Variants in SOX30 observed in about 807,000 individuals in gnomAD.
SOX30 encodes the protein transcription factor SOX-30.
A neutral mutation model predicts 58.6 loss-of-function variants in SOX30; 17 were observed. The observed-to-expected ratio is 0.29, with a 90% confidence interval of 0.20 to 0.44. SOX30 has a LOEUF of 0.44. Among genes scored for constraint, SOX30 ranks in the 20% least tolerant of loss-of-function variants. The probability of loss-of-function intolerance (pLI) is 1.00; values close to 1 mark genes in which losing one functional copy is unlikely to be tolerated. For missense variants in SOX30, 951 were observed against 965.8 expected (o/e 0.98, Z 0.20); for synonymous variants, 421 against 400.2 (o/e 1.05, Z -0.62).
intron 1 of SOX30, among the ~76,000 whole-genome samples, chr5:157,650,397 T>C (rs892261034): frequency 3.3e-5 from 5 of 152,180 alleles, no homozygotes; most frequent in Admixed American, 2.0e-4. Flanking sequence ...AAGATGTTCA[T>C]TGGCAAAGTG....
chr5:157,646,434 A>G (rs1759195528), intron 3 of SOX30, among the ~76,000 whole-genome samples: 1 of 152,158 alleles, frequency 6.6e-6, no homozygotes, highest in Admixed American at 6.5e-5. Flanking sequence ...CACATGGATT[A>G]TTTGCTACTC....
chr5:157,641,719 A>G (rs1444559913), intron 3 of SOX30, among the ~76,000 whole-genome samples: 1 of 152,236 alleles, frequency 6.6e-6, no homozygotes, highest in East Asian at 1.9e-4. Context: ...GAACTCTTTG[A>G]CAGCAGAGAC....
chr5:157,638,817 C>T, intron 3 of SOX30, 95 bp from the exon 4 acceptor site: 1 of 1,262,958 alleles, frequency 7.9e-7, no homozygotes, highest in Non-Finnish European at 1.1e-6. Flanking sequence ...TAAGCAGAGG[C>T]CTTCATCAAT....
intron 4 of SOX30, among the ~76,000 whole-genome samples, chr5:157,635,623 C>CA (rs113842468): frequency 0.029 from 3,922 of 136,584 alleles, 73 homozygotes; most frequent in Admixed American, 0.04. Flanking sequence ...GACTCTGTCT[C>CA]AAAAAAAAAA....
chr5:157,657,903 G>A (rs113167991), intron 2 of SOX30, among the ~76,000 whole-genome samples: 13 of 152,204 alleles, frequency 8.5e-5, no homozygotes, highest in Non-Finnish European at 1.9e-4. Flanking sequence ...GGAATGGCAC[G>A]TTTTCCTTTA....
chr5:157,653,199 A>G (rs1209331393), upstream of SOX30, among the ~76,000 whole-genome samples: 1 of 152,164 alleles, frequency 6.6e-6, no homozygotes, highest in Non-Finnish European at 1.5e-5. Flanking sequence ...CACATTTTTC[A>G]TATTGCAGCT....
Position 157,638,283 on chromosome 5 carries a change from T to G in SOX30, c.1827A>C (p.Arg609Ser). 1 of 1,580,690 alleles carries G rather than the reference T, an allele frequency of 6.3e-7. No homozygotes were observed. Among genetic ancestry groups the G allele is most frequent in the Non-Finnish European group, 8.6e-7 (1 of 1,161,632 alleles). Residue 609 changes from arginine to serine, a missense_variant, in exon 4 of 5, where the codon AGA becomes AGC. Around this residue, in one of 7 missense-constraint regions of SOX30, gnomAD observed 381 missense variants for 390.0 expected, o/e 0.98. Transcript: ENST00000265007. ...GGAAGTAAGGGTGATGAAAAGAGAA[T>G]CTTGGTGGTGTCCCGAACAGTGTGG... ...HPATLFGTPP[R>S]FSFHHPYFLP...
chr5:157,648,567 A>G (rs940295831), intron 2 of SOX30, 90 bp downstream of exon 2: 33 of 1,210,416 alleles, frequency 2.7e-5, no homozygotes, highest in Non-Finnish European at 3.7e-5. Context: ...AAAAAATTAT[A>G]TATTTTTGTC....
intron 3 of SOX30, among the ~76,000 whole-genome samples, chr5:157,642,125 G>T (rs879409676): frequency 6.6e-6 from 1 of 152,198 alleles, no homozygotes; most frequent in South Asian, 2.1e-4. Flanking sequence ...AGACCAGCCT[G>T]GCCAATGTTG....
chr5:157,641,709 G>A (rs567776939), intron 3 of SOX30, among the ~76,000 whole-genome samples: 91 of 152,206 alleles, frequency 6.0e-4, no homozygotes, highest in Middle Eastern at 3.4e-3. Context: ...ACTACCTAAC[G>A]AACTCTTTGA....
rs149102002 is a variant in SOX30, at chr5:157,645,212, A to AAAC, written c.1387+1422_1387+1424dup. Among the ~76,000 whole-genome samples the AAAC allele has an allele frequency of 4.0e-3, 611 of 152,246 alleles. 3 individuals carry two copies. The highest frequency in any genetic ancestry group is 0.013 in the African/African-American group (528 of 41,528). On this transcript the variant is annotated intron_variant, in intron 3 of 4. Coordinates refer to ENST00000265007, the MANE Select transcript of SOX30 (RefSeq NM_178424.2). ...TCAATTGCTAAAATGATACATTAAA[A>AAAC]AACAACAACAACAACAACACTGAAA... is the stretch of plus-strand genomic sequence containing the variant.
In SOX30 at chr5:157,626,129, T is replaced by G. The variant is rs1758645898; in HGVS notation, c.*211A>C. 2 of 476,004 alleles carry G rather than the reference T, an allele frequency of 4.2e-6. No homozygotes were observed. The highest frequency in any genetic ancestry group is 3.4e-5 in the East Asian group (1 of 29,396). 29.5% of individuals were successfully genotyped at this position (476,004 alleles called of 1,614,324 possible). A position where few individuals can be genotyped will look rare whatever the true frequency, so the allele number is the denominator to read the frequency against. ...ATTTCAGCCATTAAAATTAAACTAC[T>G]TAATAACTTAAATATTCCTACAATG... On this transcript the variant is annotated 3_prime_UTR_variant, in exon 5 of 5. Transcript: ENST00000265007.
At chr5:157,660,095 A>G (rs1250847253) in intron 2 of SOX30, among the ~76,000 whole-genome samples, 1 of 152,144 alleles carries the variant, frequency 6.6e-6, no homozygotes, top group Non-Finnish European at 1.5e-5. Context: ...ACCCATTCCC[A>G]TTGTAGCCTG....
Position 157,651,750 on chromosome 5 carries a change from A to G in SOX30, c.329T>C (p.Leu110Pro), listed in dbSNP as rs778034793. The G allele has an allele frequency of 6.4e-7, 1 of 1,556,326 alleles. No individual in the cohort carries two copies. Among genetic ancestry groups the G allele is most frequent in the Non-Finnish European group, 8.7e-7 (1 of 1,153,740 alleles). ...LLQFRPDLRL[L>P]QPPTASDGAT... ...GCCGTCTGACGCTGTCGGCGGCTGC[A>G]GGAGCCGCAGGTCGGGCCTGAACTG... Residue 110 changes from leucine to proline, a missense_variant, in exon 1 of 5, where the codon CTG becomes CCG. Transcript: ENST00000265007.
At chr5:157,646,019 C>CAAAA (rs11441809) in intron 3 of SOX30, among the ~76,000 whole-genome samples, 3 of 139,372 alleles carry the variant, frequency 2.2e-5, no homozygotes, top group Non-Finnish European at 3.2e-5. Flanking sequence ...AACTCCATCT[C>CAAAA]AAAAAAAAAA....
At chr5:157,637,109 G>A (rs1581392198) in intron 4 of SOX30, among the ~76,000 whole-genome samples, 1 of 141,854 alleles carries the variant, frequency 7.0e-6, no homozygotes, top group East Asian at 2.1e-4. Context: ...CTCCAGCCTG[G>A]GCAACAAGAG....
Position 157,626,465 on chromosome 5 carries a change from G to C in SOX30, c.2137C>G (p.Gln713Glu). ...SGEENLNPVP[Q>E]LDIGTLENVF... ...TTCTCCAAGGTTCCAATGTCCAGCTGAGGCACAGGGTTTAAGTTTTCTTCC... is the reference window on the plus strand; with the variant it reads ...TTCTCCAAGGTTCCAATGTCCAGCTCAGGCACAGGGTTTAAGTTTTCTTCC... The change falls in exon 5 of 5, where the codon CAG becomes GAG. Residue 713 changes from glutamine (Q) to glutamate (E), a missense_variant. Gln to Glu is a conservative substitution (Grantham distance 29). This residue lies in a region of SOX30 where 381 missense variants were observed against 390.0 expected (regional missense o/e 0.98). Coordinates refer to ENST00000265007, the MANE Select transcript of SOX30 (RefSeq NM_178424.2). 3.7e-6 allele frequency: 6 copies of C among 1,614,202 alleles called. No homozygotes were observed. The highest frequency in any genetic ancestry group is 4.2e-6 in the Non-Finnish European group (5 of 1,180,042).
rs186289740 is a variant in SOX30, at chr5:157,649,665, C to T, written c.968-769G>A. On this transcript the variant is annotated intron_variant, in intron 1 of 4. Coordinates refer to ENST00000265007, the MANE Select transcript of SOX30 (RefSeq NM_178424.2). ...ATTAGCCAGGCGTGGTTGCTCATGC[C>T]TGTAGTCCCAGCTACCTAGGAGGCT... 2.4e-3 allele frequency among the ~76,000 whole-genome samples: 362 copies of T among 152,244 alleles called. 3 individuals carry two copies. The highest frequency in any genetic ancestry group is 8.4e-3 in the African/African-American group (350 of 41,546).
At position 157,638,685 on chromosome 5, in the gene SOX30, T is replaced by G; in HGVS notation, c.1425A>C (p.Ala475=). The change falls in exon 4 of 5, where the codon GCA becomes GCC. Residue 475 remains alanine (A), a synonymous_variant. Coordinates refer to ENST00000265007, the MANE Select transcript of SOX30 (RefSeq NM_178424.2). The stretch of plus-strand genomic sequence containing the variant: ...GTGTGACAGGGCTTGGGCTCTGGAC[T>G]GCAGGTGTGGGCAGCTGGATAGCAG... ...TSPAIQLPTP[A]VQSPSPVTLF... is the part of the protein sequence containing the mutation. The G allele has an allele frequency of 6.2e-7, 1 of 1,613,710 alleles. No individual in the cohort carries two copies. Among genetic ancestry groups the G allele is most frequent in the Non-Finnish European group, 8.5e-7 (1 of 1,179,720 alleles).
Sources: allele counts gnomAD v4.1 joint callset (sites outside exome capture counted in the v4.1 genomes callset), GRCh38; gene constraint gnomAD v4.1.1; regional missense constraint gnomAD v4.1.1; transcripts MANE v1.5; gene names NCBI Gene and HGNC (gene_info 2026-07-23, HGNC 2026-07-21).